CFAP54: variants seen among roughly 807,000 people sequenced by gnomAD.
CFAP54 encodes cilia and flagella associated protein 54.
A neutral mutation model predicts 370.4 loss-of-function variants in CFAP54; 290 were observed. The observed-to-expected ratio is 0.78, with a 90% CI of 0.71 to 0.86. The LOEUF is 0.86. Ranked by LOEUF, CFAP54 falls within the 40% of genes least tolerant of loss-of-function variation. CFAP54 has a pLI of 0.00. For missense variants in CFAP54, 3,399 were observed against 3,528.7 expected (o/e 0.96, Z 0.93); for synonymous variants, 1,206 against 1,236.5 (o/e 0.98, Z 0.52).
chr12:96,764,421 G>A (rs953882204), intron 59 of CFAP54, among the ~76,000 whole-genome samples, 172 bp downstream of exon 59: 12 of 152,080 alleles, frequency 7.9e-5, no homozygotes, highest in South Asian at 2.1e-4. Context: ...CCAGGAGGTC[G>A]AGACCAGCCT....
At chr12:96,704,143 A>G (rs1213368877) in intron 46 of CFAP54, among the ~76,000 whole-genome samples, 2 of 152,116 alleles carry the variant, frequency 1.3e-5, no homozygotes, top group African/African-American at 2.4e-5. Flanking sequence ...TTTAAAATAC[A>G]TCGGCCAGGT....
intron 36 of CFAP54, 78 bp downstream of exon 36, chr12:96,651,893 TG>T (rs1208345186): frequency 1.8e-5 from 15 of 842,332 alleles, no homozygotes; most frequent in South Asian, 7.6e-5. Context: ...AAGTAGAAAC[TG>T]TTTTTTTTTT....
In CFAP54 at chr12:96,630,623, G is replaced by T; in HGVS notation, c.4288G>T (p.Ala1430Ser). The change falls in exon 32 of 68, where the codon GCT becomes TCT. Residue 1430 changes from alanine to serine, a missense_variant. By Grantham distance (99) the Ala-to-Ser change is moderately conservative. This residue lies in a region of CFAP54 where 2,796 missense variants were observed against 2,869.7 expected (regional missense o/e 0.97). Transcript: ENST00000524981. Reference protein sequence around the residue: ...TLRDFIFKNPAISEMVAHERN... With the variant: ...TLRDFIFKNPSISEMVAHERN... The stretch of plus-strand genomic sequence containing the variant: ...AAGAGATTTCATTTTTAAAAATCCG[G>T]CTATTTCTGAAATGGTGGCACATGA... The T allele has an allele frequency of 6.7e-7, 1 of 1,498,062 alleles. No homozygotes were observed. The highest frequency in any genetic ancestry group is 8.8e-7 in the Non-Finnish European group (1 of 1,130,260). 92.8% of individuals were successfully genotyped at this position (1,498,062 alleles called of 1,614,324 possible).
intron 40 of CFAP54, among the ~76,000 whole-genome samples, chr12:96,681,136 A>C (rs1957265884): frequency 6.6e-6 from 1 of 150,630 alleles, no homozygotes. Context: ...CACACACAAA[A>C]AGTGGGTAAG....
chr12:96,816,896 T>C (rs1049667204), intron 64 of CFAP54, among the ~76,000 whole-genome samples: 1 of 152,232 alleles, frequency 6.6e-6, no homozygotes, highest in Non-Finnish European at 1.5e-5. Flanking sequence ...GTCTTCAGCA[T>C]CATTGCTAGT....
chr12:96,643,177 C>T (rs762482194), intron 32 of CFAP54, among the ~76,000 whole-genome samples: 3 of 152,104 alleles, frequency 2.0e-5, no homozygotes, highest in Non-Finnish European at 4.4e-5. Flanking sequence ...AACCAAATAA[C>T]ATCACTAAAA....
chr12:96,520,854 T>A (rs1278146699), intron 6 of CFAP54, among the ~76,000 whole-genome samples: 1 of 152,248 alleles, frequency 6.6e-6, no homozygotes, highest in East Asian at 1.9e-4. Flanking sequence ...ATCTGGCCAA[T>A]TCACAATTCC....
intron 63 of CFAP54, among the ~76,000 whole-genome samples, chr12:96,807,124 C>T (rs1467651098): frequency 3.3e-5 from 5 of 152,104 alleles, no homozygotes; most frequent in Admixed American, 6.5e-5. Context: ...CTCTTGGTAC[C>T]ACCCAAGGCA....
intron 62 of CFAP54, among the ~76,000 whole-genome samples, chr12:96,787,920 GT>G (rs565152172): frequency 5.4e-5 from 8 of 146,924 alleles, no homozygotes; most frequent in Admixed American, 3.4e-4. Flanking sequence ...TTTTTTTTTG[GT>G]TTTTTTTTTG....
At chr12:96,643,570 T>C (rs1264579615) in intron 32 of CFAP54, among the ~76,000 whole-genome samples, 1 of 152,212 alleles carries the variant, frequency 6.6e-6, no homozygotes, top group African/African-American at 2.4e-5. Flanking sequence ...ACTGTGCAAG[T>C]AATTGGACTA....
chr12:96,855,156 C>G (rs1024097475), intron 66 of CFAP54, among the ~76,000 whole-genome samples: 1 of 152,132 alleles, frequency 6.6e-6, no homozygotes, highest in Non-Finnish European at 1.5e-5. Flanking sequence ...ATTACGAGAA[C>G]AGTATGATGG....
chr12:96,679,725 C>T lies in CFAP54; in HGVS notation c.5689C>T (p.Leu1897Phe). Residue 1897 changes from leucine (L) to phenylalanine (F), a missense_variant, in exon 40 of 68, where the codon CTT (leucine) becomes TTT (phenylalanine). This residue lies in a region of CFAP54 where 2,796 missense variants were observed against 2,869.7 expected (regional missense o/e 0.97). Coordinates refer to ENST00000524981, the MANE Select transcript of CFAP54 (RefSeq NM_001306084.2). Reference protein sequence around the residue: ...NRSIRHSRKLLSLFLAQTQDV... With the variant: ...NRSIRHSRKLFSLFLAQTQDV... ...ATCAATCCGACACAGCAGAAAGTTGCTTTCATTATTTCTTGCACAGACACA... is the reference window on the plus strand; with the variant it reads ...ATCAATCCGACACAGCAGAAAGTTGTTTTCATTATTTCTTGCACAGACACA... 6.2e-7 allele frequency: 1 copy of T among 1,613,046 alleles called. No homozygotes were observed. Among genetic ancestry groups the T allele is most frequent in the South Asian group, 1.1e-5 (1 of 90,876 alleles).
chr12:96,732,122 G>C (rs1171463024), intron 50 of CFAP54, among the ~76,000 whole-genome samples: 2 of 151,962 alleles, frequency 1.3e-5, no homozygotes, highest in Non-Finnish European at 2.9e-5. Flanking sequence ...GTGTGTGTGT[G>C]TGTGTGTGTG....
chr12:96,869,933 CAAA>C (rs760992300), intron 67 of CFAP54, among the ~76,000 whole-genome samples: 3 of 36,846 alleles, frequency 8.1e-5, no homozygotes, highest in Admixed American at 2.9e-4. Flanking sequence ...AAAACTCCGT[CAAA>C]AAAAAAAAAA....
At chr12:96,684,160 T>A (rs752437489) in intron 40 of CFAP54, among the ~76,000 whole-genome samples, 9 of 152,184 alleles carry the variant, frequency 5.9e-5, no homozygotes, top group Non-Finnish European at 1.2e-4. Flanking sequence ...GGTGATCTTG[T>A]CACATGTCTG....
intron 36 of CFAP54, among the ~76,000 whole-genome samples, chr12:96,654,036 A>G (rs1032788408): frequency 2.0e-5 from 3 of 152,332 alleles, no homozygotes; most frequent in East Asian, 3.9e-4. Flanking sequence ...CAACTTAACA[A>G]TCTGACACAA....
chr12:96,734,521 C>G (rs1957958347), intron 50 of CFAP54, among the ~76,000 whole-genome samples: 2 of 151,838 alleles, frequency 1.3e-5, no homozygotes, highest in South Asian at 4.2e-4. Flanking sequence ...CTTATTTAAC[C>G]CTTATAATAA....
chr12:96,644,542 T>A, intron 33 of CFAP54, 134 bp downstream of exon 33: 1 of 643,664 alleles, frequency 1.6e-6, no homozygotes, highest in Non-Finnish European at 2.6e-6. Flanking sequence ...CTGGCTCTAT[T>A]AGTCTGTTCT....
intron 67 of CFAP54, among the ~76,000 whole-genome samples, chr12:96,863,127 A>G (rs1959917069): frequency 6.6e-6 from 1 of 151,516 alleles, no homozygotes; most frequent in African/African-American, 2.4e-5. Flanking sequence ...CCCTAGAACA[A>G]TACCTGGCAC....
Sources: allele counts gnomAD v4.1 joint callset (sites outside exome capture counted in the v4.1 genomes callset), GRCh38; gene constraint gnomAD v4.1.1; regional missense constraint gnomAD v4.1.1; transcripts MANE v1.5; gene names NCBI Gene and HGNC (gene_info 2026-07-23, HGNC 2026-07-21).